LRRC37A2: variants seen among roughly 807,000 people sequenced by gnomAD.
The protein encoded by LRRC37A2 is leucine rich repeat containing 37 member A2, also known as leucine-rich repeat-containing protein 37A2.
Under a neutral mutation model 68.8 loss-of-function variants are expected in LRRC37A2, and 9 were observed. The observed-to-expected ratio is 0.13, with a 90% CI of 0.08 to 0.23. The LOEUF is 0.23. Among genes scored for constraint, LRRC37A2 ranks in the 10% least tolerant of loss-of-function variants. LRRC37A2 has a pLI of 1.00. For missense variants in LRRC37A2, 168 were observed against 950.4 expected (o/e 0.18, Z 10.82); for synonymous variants, 63 against 367.6 (o/e 0.17, Z 9.48).
At chr17:46,949,575 C>G in the LRRC37A2 span, among the ~76,000 whole-genome samples, 10 of 152,310 alleles carry the variant, frequency 6.6e-5, no homozygotes, top group Admixed American at 6.5e-4. Context: ...AGAGTACAAT[C>G]TGCCACACTC....
chr17:46,973,941 T>G, the LRRC37A2 span, among the ~76,000 whole-genome samples: 2 of 152,200 alleles, frequency 1.3e-5, no homozygotes, highest in African/African-American at 4.8e-5. Flanking sequence ...GCTCAAGGCT[T>G]CTTTCCATCT....
chr17:46,875,045 TCCTTTCCTCTCTTCCC>T, the LRRC37A2 span: 5 of 1,613,114 alleles, frequency 3.1e-6, no homozygotes, highest in African/African-American at 6.7e-5. Flanking sequence ...CTAAGCTTCC[TCCTTTCCTCTCTTCCC>T]CCTTTCCTCC....
the LRRC37A2 span, chr17:46,749,655 TA>T: frequency 1.1e-6 from 1 of 939,146 alleles, no homozygotes; most frequent in Non-Finnish European, 1.5e-6. Context: ...CTGTTTTGCC[TA>T]ATCATTTGCA....
the LRRC37A2 span, among the ~76,000 whole-genome samples, chr17:46,891,913 C>CTTT: frequency 8.5e-6 from 1 of 117,302 alleles, no homozygotes; most frequent in Non-Finnish European, 1.7e-5. Flanking sequence ...CTTTTCTTTT[C>CTTT]TTTTCTTTTT....
chr17:46,809,286 C>T, the LRRC37A2 span, among the ~76,000 whole-genome samples: 5 of 152,038 alleles, frequency 3.3e-5, no homozygotes, highest in South Asian at 4.1e-4. Context: ...GGAGAGGAGG[C>T]GGGATCCTGC....
the LRRC37A2 span, chr17:46,938,698 A>T: frequency 6.2e-7 from 1 of 1,613,650 alleles, no homozygotes; most frequent in East Asian, 2.2e-5. Context: ...CAAGTACTTT[A>T]TGATAGGTGG....
At chr17:46,456,156 T>C in the LRRC37A2 span, among the ~76,000 whole-genome samples, 8 of 109,370 alleles carry the variant, frequency 7.3e-5, no homozygotes, top group Non-Finnish European at 1.6e-4. Context: ...ATCCATGTTG[T>C]AGCAAAAGAT....
At chr17:46,631,086 A>C in the LRRC37A2 span, among the ~76,000 whole-genome samples, 2 of 145,728 alleles carry the variant, frequency 1.4e-5, no homozygotes, top group Non-Finnish European at 3.0e-5. Flanking sequence ...ACACACACAC[A>C]CACACACACA....
the LRRC37A2 span, chr17:47,005,918 C>T: frequency 2.6e-5 from 4 of 152,192 alleles, no homozygotes; most frequent in African/African-American, 9.7e-5. Context: ...GTAATGCTGT[C>T]TTTCTCATTG....
the LRRC37A2 span, chr17:46,851,566 C>G: frequency 1.2e-6 from 1 of 854,918 alleles, no homozygotes; most frequent in Non-Finnish European, 1.5e-6. This position sits in a 1 kb window ranked among gnomAD's most constrained non-coding sequence, Gnocchi z 4.3. Flanking sequence ...TAAAGTCCCG[C>G]GGGCGGGTGG....
the LRRC37A2 span, among the ~76,000 whole-genome samples, chr17:46,778,081 C>T: frequency 9.2e-5 from 14 of 152,204 alleles, no homozygotes; most frequent in African/African-American, 2.9e-4. Context: ...GTGCATGGCA[C>T]GTGGGGAGCC....
chr17:46,769,967 G>A, the LRRC37A2 span: 2 of 1,612,314 alleles, frequency 1.2e-6, no homozygotes, highest in Non-Finnish European at 1.7e-6. Context: ...AATGGTGGAG[G>A]TGCCCTCGGC....
At chr17:47,047,610 G>C in the LRRC37A2 span, among the ~76,000 whole-genome samples, 1 of 151,878 alleles carries the variant, frequency 6.6e-6, no homozygotes, top group African/African-American at 2.4e-5. Flanking sequence ...AAAGTAGTTT[G>C]TAAGGTGGTT....
the LRRC37A2 span, among the ~76,000 whole-genome samples, chr17:46,712,134 C>T: frequency 6.6e-6 from 1 of 152,110 alleles, no homozygotes; most frequent in South Asian, 2.1e-4. Context: ...TTGGATTAGT[C>T]TTAATGAGAG....
chr17:46,910,749 G>A, the LRRC37A2 span, among the ~76,000 whole-genome samples: 7 of 152,246 alleles, frequency 4.6e-5, no homozygotes, highest in East Asian at 1.2e-3. Flanking sequence ...TTGGAAGCGG[G>A]GACAAATCAC....
chr17:46,693,520 A>G, the LRRC37A2 span, among the ~76,000 whole-genome samples: 2 of 150,396 alleles, frequency 1.3e-5, no homozygotes, highest in African/African-American at 4.9e-5. Flanking sequence ...CTGGGGGAAA[A>G]AAAAAAAAAA....
At chr17:47,043,694 TA>T in the LRRC37A2 span, among the ~76,000 whole-genome samples, 1 of 142,778 alleles carries the variant, frequency 7.0e-6, no homozygotes, top group African/African-American at 2.5e-5. Flanking sequence ...GAATTGGTCC[TA>T]TTTTTTTTAA....
the LRRC37A2 span, chr17:46,755,247 C>T: frequency 1.6e-6 from 2 of 1,223,942 alleles, no homozygotes; most frequent in Non-Finnish European, 2.4e-6. Context: ...ACTGCCTTCT[C>T]ATGAAGCAAG....
chr17:46,749,943 A>G, the LRRC37A2 span: 1 of 1,601,418 alleles, frequency 6.2e-7, no homozygotes, highest in Non-Finnish European at 8.5e-7. Flanking sequence ...ACTGTTTATA[A>G]GAAAGGAATT....
Sources: allele counts gnomAD v4.1 joint callset (sites outside exome capture counted in the v4.1 genomes callset), GRCh38; gene constraint gnomAD v4.1.1; non-coding constraint Gnocchi (gnomAD v3.1); transcripts MANE v1.5; gene names NCBI Gene and HGNC (gene_info 2026-07-23, HGNC 2026-07-21).